Variants in CACNB4 observed in about 807,000 individuals in gnomAD.
CACNB4 encodes voltage-dependent L-type calcium channel subunit beta-4.
A neutral mutation model predicts 71.2 loss-of-function variants in CACNB4; 32 were observed. The ratio of observed to expected loss-of-function variants is 0.45; its 90% confidence interval spans 0.34 to 0.60. The LOEUF is 0.60. Ranked by LOEUF, CACNB4 falls within the 20% of genes least tolerant of loss-of-function variation. The pLI is 0.01. For missense variants in CACNB4, 464 were observed against 647.9 expected (o/e 0.72, Z 3.08); for synonymous variants, 231 against 236.9 (o/e 0.97, Z 0.23).
intron 3 of CACNB4, 169 bp downstream of exon 3, chr2:151,883,082 A>G: frequency 1.6e-6 from 1 of 630,990 alleles, no homozygotes; most frequent in South Asian, 1.9e-5. Context: ...CTCTTTGGAG[A>G]TGTTACTAAC....
chr2:151,876,455 T>C lies in CACNB4; in HGVS notation c.492A>G (p.Gln164=). 6.2e-7 allele frequency: 1 copy of C among 1,601,812 alleles called. No individual in the cohort carries two copies. Among genetic ancestry groups the C allele is most frequent in the Non-Finnish European group, 8.5e-7 (1 of 1,172,152 alleles). ...CGTGAAAACGTCCTCTTTTTTGTTC[T>C]TGCTGGATCCGTATGTTCTCCAATC... ...PLRLENIRIQ[Q]EQKRGRFHGG... Residue 164 remains glutamine (Q), a synonymous_variant, in exon 5 of 14, where the codon CAA becomes CAG. Transcript: ENST00000539935.
intron 2 of CACNB4, among the ~76,000 whole-genome samples, chr2:152,033,387 G>A (rs946101014): frequency 1.5e-4 from 23 of 152,332 alleles, no homozygotes; most frequent in African/African-American, 5.1e-4. Flanking sequence ...CATCCTAGAA[G>A]AGCAACTTCA....
At chr2:151,861,980 A>T (rs2099841855) in intron 9 of CACNB4, among the ~76,000 whole-genome samples, 1 of 152,226 alleles carries the variant, frequency 6.6e-6, no homozygotes, top group Non-Finnish European at 1.5e-5. Context: ...AGATTGCTCA[A>T]CTTCCAATTA....
At chr2:152,038,849 G>A (rs1191045896) in intron 2 of CACNB4, among the ~76,000 whole-genome samples, 1 of 152,042 alleles carries the variant, frequency 6.6e-6, no homozygotes, top group African/African-American at 2.4e-5. Context: ...AGGACACTCT[G>A]GACAGGAAAT....
intron 2 of CACNB4, among the ~76,000 whole-genome samples, chr2:151,986,346 C>A (rs1579076383): frequency 1.3e-5 from 2 of 152,174 alleles, no homozygotes; most frequent in East Asian, 3.8e-4. Context: ...GTTTGAATTT[C>A]CAAAATGGCT....
At chr2:152,042,613 A>T (rs188491590) in intron 2 of CACNB4, among the ~76,000 whole-genome samples, 43 of 152,338 alleles carry the variant, frequency 2.8e-4, no homozygotes, top group African/African-American at 9.4e-4. Flanking sequence ...AATCATTTTA[A>T]AAAAAGATCA....
At chr2:151,923,612 C>G (rs748756084) in intron 2 of CACNB4, among the ~76,000 whole-genome samples, 1 of 152,148 alleles carries the variant, frequency 6.6e-6, no homozygotes, top group African/African-American at 2.4e-5. Flanking sequence ...TCAGTCTTGG[C>G]CAGATAATTT....
rs141543514 is a variant in CACNB4 at position 151,994,976 on chromosome 2, T to C, written c.147+103354A>G. On this transcript the variant is annotated intron_variant, in intron 2 of 13. Transcript: ENST00000539935. Reference sequence around the variant, plus strand: ...AATAATTTTTGTTCCCAAGTGAAAATAGAAATTAAATTTAAACTTGAGGTC... The same window carrying C: ...AATAATTTTTGTTCCCAAGTGAAAACAGAAATTAAATTTAAACTTGAGGTC... Among the ~76,000 whole-genome samples the C allele has an allele frequency of 7.8e-4, 118 of 152,180 alleles. No individual in the cohort carries two copies. The East Asian group carries it at 8.5e-3, about 11-fold the overall frequency.
intron 5 of CACNB4, among the ~76,000 whole-genome samples, chr2:151,875,851 C>T (rs568824729): frequency 3.6e-5 from 5 of 138,188 alleles, no homozygotes; most frequent in East Asian, 2.4e-4. Context: ...GGGGGCTGAC[C>T]CCCCCATCTC....
At chr2:151,958,577 G>A (rs2099868896) in intron 2 of CACNB4, among the ~76,000 whole-genome samples, 1 of 152,202 alleles carries the variant, frequency 6.6e-6, no homozygotes, top group South Asian at 2.1e-4. Context: ...TAAGCCGAAA[G>A]TGGGAGTTCC....
At chr2:152,055,582 T>G (rs1173544504) in intron 2 of CACNB4, among the ~76,000 whole-genome samples, 1 of 152,158 alleles carries the variant, frequency 6.6e-6, no homozygotes, top group Non-Finnish European at 1.5e-5. Context: ...ATGAATGGAT[T>G]TGCACACCCC....
intron 2 of CACNB4, among the ~76,000 whole-genome samples, chr2:151,919,514 T>A (rs887757300): frequency 1.1e-4 from 16 of 151,896 alleles, no homozygotes; most frequent in Non-Finnish European, 1.6e-4. Flanking sequence ...GCAAGAGAGG[T>A]CTAAGATGCA....
chr2:151,936,757 C>T (rs149614401), intron 2 of CACNB4, among the ~76,000 whole-genome samples: 1 of 152,312 alleles, frequency 6.6e-6, no homozygotes, highest in African/African-American at 2.4e-5. Context: ...GGGCCCGGAC[C>T]ACCTCTCATT....
chr2:152,022,334 A>T (rs975974121), intron 2 of CACNB4, among the ~76,000 whole-genome samples: 1 of 152,246 alleles, frequency 6.6e-6, no homozygotes, highest in African/African-American at 2.4e-5. Flanking sequence ...GAAGTGGTGG[A>T]GGGAATGTGA....
chr2:151,951,367 T>C lies in CACNB4; in HGVS notation c.148-67997A>G, dbSNP rs138268059. The stretch of plus-strand genomic sequence containing the variant: ...AATTCCCCCTCTAATCGATCTCTGA[T>C]GACTCAAGTGCTAGATGGCTGACAT... On this transcript the variant is annotated intron_variant, in intron 2 of 13. Coordinates refer to ENST00000539935, the MANE Select transcript of CACNB4 (RefSeq NM_000726.5). Among the ~76,000 whole-genome samples, 523 of 152,094 alleles carry C rather than the reference T, an allele frequency of 3.4e-3. 5 individuals carry two copies. The highest frequency in any genetic ancestry group is 0.012 in the African/African-American group (500 of 41,506).
chr2:152,069,525 T>G (rs1397883917), intron 2 of CACNB4, among the ~76,000 whole-genome samples: 1 of 149,380 alleles, frequency 6.7e-6, no homozygotes, highest in African/African-American at 2.5e-5. Flanking sequence ...TTTTTTTCAG[T>G]AGAATCAAAT....
At chr2:151,986,152 A>G (rs1161759851) in intron 2 of CACNB4, among the ~76,000 whole-genome samples, 1 of 152,172 alleles carries the variant, frequency 6.6e-6, no homozygotes, top group East Asian at 1.9e-4. Context: ...AAAATAAAGC[A>G]CTTATTTACC....
intron 2 of CACNB4, among the ~76,000 whole-genome samples, chr2:152,010,576 T>C (rs1682998815): frequency 6.6e-6 from 1 of 152,214 alleles, no homozygotes; most frequent in Admixed American, 6.5e-5. Context: ...CCTTATTGTG[T>C]ATAGCACCCC....
chr2:152,092,005 T>G (rs931423306), intron 2 of CACNB4, among the ~76,000 whole-genome samples: 2 of 152,244 alleles, frequency 1.3e-5, no homozygotes, highest in African/African-American at 4.8e-5. Context: ...TGTCCTTGCA[T>G]GTATCCACAC....
Sources: allele counts gnomAD v4.1 joint callset (sites outside exome capture counted in the v4.1 genomes callset), GRCh38; gene constraint gnomAD v4.1.1; transcripts MANE v1.5; gene names NCBI Gene and HGNC (gene_info 2026-07-23, HGNC 2026-07-21).